The following TTC7A variants were observed in gnomAD, a reference collection of about 807,000 sequenced individuals.
TTC7A encodes tetratricopeptide repeat protein 7A.
A neutral mutation model predicts 103.7 loss-of-function variants in TTC7A; 110 were observed. That is an observed-to-expected ratio of 1.06 (90% confidence interval 0.91 to 1.24). The LOEUF is 1.24. Ranked by LOEUF, TTC7A falls within the 50% of genes most tolerant of loss-of-function variation. The pLI is 0.00. For missense variants in TTC7A, 1,340 were observed against 1,116.3 expected (o/e 1.20, Z -2.86); for synonymous variants, 521 against 467.9 (o/e 1.11, Z -1.47).
At chr2:47,003,996 G>C (rs960512924) in intron 8 of TTC7A, among the ~76,000 whole-genome samples, 1 of 152,216 alleles carries the variant, frequency 6.6e-6, no homozygotes, top group Non-Finnish European at 1.5e-5. Context: ...CCTGTTGGTG[G>C]CTGTGTGGGT....
chr2:47,031,701 G>A (rs1250925639), intron 15 of TTC7A, among the ~76,000 whole-genome samples: 1 of 152,214 alleles, frequency 6.6e-6, no homozygotes, highest in East Asian at 1.9e-4. Context: ...AGTTCCAGCT[G>A]AGGGGGCCCC....
chr2:46,974,132 A>G (rs754722240), intron 3 of TTC7A, among the ~76,000 whole-genome samples: 7 of 152,244 alleles, frequency 4.6e-5, no homozygotes, highest in Non-Finnish European at 8.8e-5. Context: ...TGCAGAGTCC[A>G]ATTAACAAGA....
At chr2:47,025,120 T>A (rs1679747086) in intron 14 of TTC7A, among the ~76,000 whole-genome samples, 1 of 152,210 alleles carries the variant, frequency 6.6e-6, no homozygotes, top group Admixed American at 6.5e-5. Flanking sequence ...GAGCTCTCCT[T>A]GCCGGAACCA....
At chr2:46,979,969 A>G (rs1674275637) in intron 5 of TTC7A, among the ~76,000 whole-genome samples, 1 of 152,194 alleles carries the variant, frequency 6.6e-6, no homozygotes, top group Non-Finnish European at 1.5e-5. Context: ...GCCATGGGTC[A>G]GGCCCAGTAG....
At chr2:46,963,925 GT>G (rs1162230520) in intron 3 of TTC7A, among the ~76,000 whole-genome samples, 1 of 152,212 alleles carries the variant, frequency 6.6e-6, no homozygotes, top group Non-Finnish European at 1.5e-5. Context: ...GGTGTCAGGG[GT>G]GGGATTTCCC....
At chr2:46,992,823 G>A (rs1675767522) in intron 5 of TTC7A, among the ~76,000 whole-genome samples, 1 of 152,266 alleles carries the variant, frequency 6.6e-6, no homozygotes, top group South Asian at 2.1e-4. Flanking sequence ...ACATAGGAGA[G>A]ATGGGTATTT....
chr2:46,930,657 G>A (rs541674039), intron 2 of TTC7A, among the ~76,000 whole-genome samples: 7 of 151,984 alleles, frequency 4.6e-5, no homozygotes, highest in African/African-American at 9.7e-5. Flanking sequence ...CTGCAACCAC[G>A]TGCAGCTAAT....
intron 2 of TTC7A, among the ~76,000 whole-genome samples, chr2:46,956,064 G>T (rs1332866778): frequency 6.6e-6 from 1 of 152,246 alleles, no homozygotes; most frequent in Non-Finnish European, 1.5e-5. Flanking sequence ...GCCTCCCTCA[G>T]GCAACAGCAC....
At chr2:47,027,391 G>A (rs879705583) in intron 14 of TTC7A, among the ~76,000 whole-genome samples, 1 of 152,236 alleles carries the variant, frequency 6.6e-6, no homozygotes, top group Non-Finnish European at 1.5e-5. Context: ...TCACACAAGA[G>A]CACTTGGCCT....
intron 13 of TTC7A, 28 bp downstream of exon 13, chr2:47,023,493 G>A (rs1055514813): frequency 6.2e-7 from 1 of 1,612,560 alleles, no homozygotes; most frequent in Non-Finnish European, 8.5e-7. Context: ...TGCAGCAGAG[G>A]CCCCTCTTGC....
chr2:46,993,037 G>A (rs1675786559), intron 5 of TTC7A, among the ~76,000 whole-genome samples: 1 of 152,230 alleles, frequency 6.6e-6, no homozygotes, highest in African/African-American at 2.4e-5. Flanking sequence ...TGGTACTGGG[G>A]ACAGAGAGGG....
upstream of TTC7A, among the ~76,000 whole-genome samples, chr2:46,938,852 A>C (rs1670108640): frequency 6.7e-6 from 1 of 149,266 alleles, no homozygotes; most frequent in South Asian, 2.1e-4. Flanking sequence ...CTCTACTAAA[A>C]ATACAAAAAT....
intron 13 of TTC7A, among the ~76,000 whole-genome samples, chr2:47,024,047 G>A (rs1175922114): frequency 6.6e-6 from 1 of 151,856 alleles, no homozygotes; most frequent in Non-Finnish European, 1.5e-5. Flanking sequence ...CTCCCAGATG[G>A]CCCCTACCTC....
chr2:47,034,319 G>C (rs187831113), intron 15 of TTC7A: 1 of 152,172 alleles, frequency 6.6e-6, no homozygotes, highest in Non-Finnish European at 1.5e-5. Flanking sequence ...CCTGGGTTTC[G>C]GGCCAAGCCG....
At chr2:47,030,675 C>T (rs1002191825) in intron 15 of TTC7A, among the ~76,000 whole-genome samples, 1 of 152,142 alleles carries the variant, frequency 6.6e-6, no homozygotes, top group Admixed American at 6.5e-5. Flanking sequence ...TGAGCCTTGA[C>T]CTGCTTGCCC....
At chr2:47,043,902 G>A (rs974794343) in intron 15 of TTC7A, among the ~76,000 whole-genome samples, 1 of 152,220 alleles carries the variant, frequency 6.6e-6, no homozygotes, top group African/African-American at 2.4e-5. Flanking sequence ...TGGTGTGGTC[G>A]GGTCTGCCCT....
chr2:46,979,701 G>A (rs1054287956), intron 5 of TTC7A, among the ~76,000 whole-genome samples: 15 of 152,264 alleles, frequency 9.9e-5, no homozygotes, highest in African/African-American at 2.2e-4. Context: ...AGCAAGTGTC[G>A]CTTCATGGCT....
At chr2:46,979,907 G>A (rs1472911000) in intron 5 of TTC7A, among the ~76,000 whole-genome samples, 3 of 152,168 alleles carry the variant, frequency 2.0e-5, no homozygotes, top group Non-Finnish European at 2.9e-5. Context: ...TAGGTGCCAA[G>A]CGCAGCCGTC....
At chr2:46,997,927 G>A (rs989709783) in intron 8 of TTC7A, among the ~76,000 whole-genome samples, 2 of 152,140 alleles carry the variant, frequency 1.3e-5, no homozygotes, top group Non-Finnish European at 2.9e-5. Context: ...GTGGAGAATG[G>A]CCTTTTACAG....
Sources: gnomAD v4.1 joint callset for allele counts (sites outside exome capture counted in the v4.1 genomes callset) on GRCh38, gnomAD v4.1.1 for gene constraint, MANE v1.5 for transcripts, NCBI Gene and HGNC (gene_info 2026-07-23, HGNC 2026-07-21) for gene names.